ANKRD30A: variants seen among roughly 807,000 people sequenced by gnomAD.
The protein encoded by ANKRD30A is ankyrin repeat domain-containing protein 30A.
A neutral mutation model predicts 166.3 loss-of-function variants in ANKRD30A; 170 were observed. That is an observed-to-expected ratio of 1.02 (90% CI 0.90 to 1.16). The LOEUF (loss-of-function observed/expected upper bound fraction) is 1.16, where lower values mean the gene tolerates loss of function less well. ANKRD30A is among the 50% of genes most tolerant of loss of function. The probability of loss-of-function intolerance (pLI) is 0.00; values close to 1 mark genes in which losing one functional copy is unlikely to be tolerated. For missense variants in ANKRD30A, 1,630 were observed against 1,518.0 expected, an observed-to-expected ratio of 1.07 and a Z score of -1.23; for synonymous variants, 564 against 508.9, an observed-to-expected ratio of 1.11 and a Z score of -1.46.
chr10:37,234,699 C>T (rs907119691), downstream of ANKRD30A, among the ~76,000 whole-genome samples: 2 of 152,104 alleles, frequency 1.3e-5, no homozygotes, highest in African/African-American at 4.8e-5. Flanking sequence ...ACTTCTGGTG[C>T]ATTACTGACT....
chr10:37,241,673 CA>C, the ANKRD30A span, among the ~76,000 whole-genome samples: 7 of 152,218 alleles, frequency 4.6e-5, no homozygotes, highest in East Asian at 1.4e-3. Context: ...GTACTGTGGT[CA>C]TTGTCAGTGG....
rs761126518 is a variant in ANKRD30A, at chr10:37,197,411, G to A, written c.2647G>A (p.Ala883Thr). 18 of 1,612,442 alleles carry A rather than the reference G, an allele frequency of 1.1e-5. No homozygotes were observed. Among genetic ancestry groups the A allele is most frequent in the Non-Finnish European group, 1.0e-5 (12 of 1,179,696 alleles). ...TTTTGCTTCCAACCCCATTTAGCCTGCCATTGAAATGCAAAAGTCTGTTCC... is the reference window on the plus strand; with the variant it reads ...TTTTGCTTCCAACCCCATTTAGCCTACCATTGAAATGCAAAAGTCTGTTCC... ...PPEKPSAFEP[A>T]IEMQKSVPNK... Residue 883 changes from alanine (A) to threonine (T), a missense_variant, in exon 29 of 36, where the codon GCC (alanine) becomes ACC (threonine). Transcript: ENST00000361713.
chr10:37,206,134 A>G lies in ANKRD30A; in HGVS notation c.2869+4809A>G, dbSNP rs1841977064. On this transcript the variant is annotated intron_variant, in intron 31 of 35. Coordinates refer to ENST00000361713, the MANE Select transcript of ANKRD30A (RefSeq NM_052997.3). ...TTTTAAAAAGTGTTGAAGGGAAAGA[A>G]TCAAGACCACAGATCCAGATCCGGA... Among the ~76,000 whole-genome samples the G allele has an allele frequency of 2.0e-5, 3 of 152,294 alleles. No homozygotes were observed. The South Asian group carries it at 6.2e-4, about 32-fold the overall frequency.
chr10:37,243,298 C>CTATT, the ANKRD30A span, among the ~76,000 whole-genome samples: 1 of 137,666 alleles, frequency 7.3e-6, no homozygotes. Context: ...CCACGCCCAC[C>CTATT]TTTTTTTTTT....
At chr10:37,210,746 T>A (rs1049352485) in intron 31 of ANKRD30A, among the ~76,000 whole-genome samples, 1 of 152,188 alleles carries the variant, frequency 6.6e-6, no homozygotes, top group African/African-American at 2.4e-5. Context: ...CATATGTTTG[T>A]TGGCTGCATA....
chr10:37,158,243 A>T (rs1470196964), intron 13 of ANKRD30A, 149 bp from the exon 14 acceptor site: 14 of 1,367,464 alleles, frequency 1.0e-5, no homozygotes, highest in Non-Finnish European at 2.0e-6. Flanking sequence ...ATGATAACAA[A>T]TACAATAACC....
the ANKRD30A span, among the ~76,000 whole-genome samples, chr10:37,255,382 C>G: frequency 1.3e-5 from 2 of 152,098 alleles, no homozygotes; most frequent in Non-Finnish European, 2.9e-5. Context: ...ATCCATGTAA[C>G]AAAATTGCAC....
intron 13 of ANKRD30A, among the ~76,000 whole-genome samples, chr10:37,154,253 T>A (rs764694832): frequency 2.0e-5 from 3 of 152,218 alleles, no homozygotes; most frequent in Non-Finnish European, 2.9e-5. Flanking sequence ...GTATATAATT[T>A]GTCATATACA....
intron 31 of ANKRD30A, among the ~76,000 whole-genome samples, chr10:37,202,377 C>T (rs1841687853): frequency 6.6e-6 from 1 of 152,120 alleles, no homozygotes; most frequent in Non-Finnish European, 1.5e-5. Context: ...CAACCTCCTC[C>T]AGAATGACTA....
At chr10:37,137,872 A>G (rs1311274226) in intron 6 of ANKRD30A, among the ~76,000 whole-genome samples, 6 of 152,162 alleles carry the variant, frequency 3.9e-5, no homozygotes, top group Non-Finnish European at 8.8e-5. Context: ...TGAAGAGAGT[A>G]GTGGTTCTCG....
rs1363468498 is a variant in ANKRD30A, at chr10:37,141,981, A to G, written c.1084A>G (p.Thr362Ala). ...AGCAGAAGAAACACCTAGGGAAATT[A>G]CGAGTCCTGCAAAAGAAACATCTGA... Reference protein sequence around the residue: ...QSAEETPREITSPAKETSEKF... With the variant: ...QSAEETPREIASPAKETSEKF... Residue 362 changes from threonine (T) to alanine (A), a missense_variant, in exon 7 of 36, where the codon ACG (threonine) becomes GCG (alanine). By Grantham distance (58) the Thr-to-Ala change is moderately conservative (BLOSUM62 0). Around this residue, in one of 4 missense-constraint regions of ANKRD30A, gnomAD observed 904 missense variants for 818.5 expected, o/e 1.10. Transcript: ENST00000361713. 2 of 1,614,190 alleles carry G rather than the reference A, an allele frequency of 1.2e-6. No individual in the cohort carries two copies. The highest frequency in any genetic ancestry group is 1.7e-5 in the Admixed American group (1 of 60,012).
At chr10:37,159,066 A>G (rs1020487901) in intron 15 of ANKRD30A, among the ~76,000 whole-genome samples, 1 of 152,208 alleles carries the variant, frequency 6.6e-6, no homozygotes, top group African/African-American at 2.4e-5. Flanking sequence ...TCAGTCAAGC[A>G]ATCATTACTT....
intron 7 of ANKRD30A, among the ~76,000 whole-genome samples, chr10:37,142,601 G>A (rs368235834): frequency 1.4e-4 from 1 of 7,218 alleles, no homozygotes; most frequent in Non-Finnish European, 3.0e-4. Flanking sequence ...TTTTTTTTTT[G>A]TGAGACAGAG....
chr10:37,201,156 A>G, intron 30 of ANKRD30A, 79 bp from the exon 31 acceptor site: 1 of 1,190,796 alleles, frequency 8.4e-7, no homozygotes, highest in Non-Finnish European at 1.2e-6. Flanking sequence ...TTAAAAAAAG[A>G]TTTTAATTAG....
At chr10:37,207,187 AT>A (rs1452490697) in intron 31 of ANKRD30A, among the ~76,000 whole-genome samples, 5 of 152,282 alleles carry the variant, frequency 3.3e-5, no homozygotes, top group African/African-American at 1.2e-4. Flanking sequence ...ATACTCATAA[AT>A]TCATTATACT....
chr10:37,226,211 C>G (rs1843143425), intron 34 of ANKRD30A, among the ~76,000 whole-genome samples: 1 of 150,608 alleles, frequency 6.6e-6, no homozygotes, highest in African/African-American at 2.4e-5. Flanking sequence ...CACCCATTAA[C>G]TCGTCATTTA....
rs749114201 is a variant in ANKRD30A at position 37,142,106 on chromosome 10, T to C, written c.1209T>C (p.Ser403=). The part of the protein sequence containing the change: ...REIMSPAKET[S]EKFTWAAKGR... ...TTATGAGTCCCGCAAAAGAAACATC[T>C]GAGAAATTTACGTGGGCAGCAAAAG... The change falls in exon 7 of 36, where the codon TCT becomes TCC. Residue 403 remains serine (S), a synonymous_variant. Coordinates refer to ENST00000361713, the MANE Select transcript of ANKRD30A (RefSeq NM_052997.3). 2 of 1,612,712 alleles carry C rather than the reference T, an allele frequency of 1.2e-6. No individual in the cohort carries two copies. Among genetic ancestry groups the C allele is most frequent in the South Asian group, 2.2e-5 (2 of 90,942 alleles).
In ANKRD30A at chr10:37,162,843, G is replaced by C; in HGVS notation, c.1997G>C (p.Arg666Thr). 4 of 1,613,172 alleles carry C rather than the reference G, an allele frequency of 2.5e-6. No homozygotes were observed. The highest frequency in any genetic ancestry group is 2.5e-6 in the Non-Finnish European group (3 of 1,179,576). ...ALELKNEQTL[R>T]ADEILPSESK... Reference sequence around the variant, plus strand: ...GAATTGAAAAATGAACAAACATTGAGAGCAGGTAAATTTTTCAATGTAACT... The same window carrying C: ...GAATTGAAAAATGAACAAACATTGACAGCAGGTAAATTTTTCAATGTAACT... Residue 666 changes from arginine (R) to threonine (T), a missense_variant, in exon 17 of 36, where the codon AGA (arginine) becomes ACA (threonine). Physicochemically the swap from Arg to Thr is moderately conservative, Grantham distance 71 (BLOSUM62 -1). Transcript: ENST00000361713.
Position 37,142,292 on chromosome 10 carries a change from T to G in ANKRD30A, c.1393+2T>G, listed in dbSNP as rs1837198620. The G allele has an allele frequency of 1.3e-6, 2 of 1,586,558 alleles. No homozygotes were observed. Among genetic ancestry groups the G allele is most frequent in the African/African-American group, 1.4e-5 (1 of 73,244 alleles). ...CATCTACAAAAGCAAGTGCCAATGG[T>G]AAGATGCTAGAGCGAACTTTGTAAG... On this transcript the variant is annotated splice_donor_variant, in intron 7 of 35. Coordinates refer to ENST00000361713, the MANE Select transcript of ANKRD30A (RefSeq NM_052997.3). LOFTEE classifies it high-confidence loss of function.
Sources: gnomAD v4.1 joint callset for allele counts (sites outside exome capture counted in the v4.1 genomes callset) on GRCh38, gnomAD v4.1.1 for gene constraint, gnomAD v4.1.1 regional missense constraint, MANE v1.5 for transcripts, NCBI Gene and HGNC (gene_info 2026-07-23, HGNC 2026-07-21) for gene names.